DKK2: variants seen among roughly 807,000 people sequenced by gnomAD.
DKK2 encodes dickkopf Wnt signaling pathway inhibitor 2.
A neutral mutation model predicts 28.1 loss-of-function variants in DKK2; 11 were observed. That is an observed-to-expected ratio of 0.39 (90% CI 0.25 to 0.65). DKK2 has a LOEUF of 0.65. Ranked by LOEUF, DKK2 falls within the 30% of genes least tolerant of loss-of-function variation. The probability of loss-of-function intolerance (pLI) is 0.47; values close to 1 mark genes in which losing one functional copy is unlikely to be tolerated. For synonymous variants in DKK2, 135 were observed against 126.5 expected, an observed-to-expected ratio of 1.07 and a Z score of -0.45; for missense variants, 326 against 335.5, an observed-to-expected ratio of 0.97 and a Z score of 0.22.
intron 1 of DKK2, among the ~76,000 whole-genome samples, chr4:106,973,435 G>T (rs1339224552): frequency 6.6e-6 from 1 of 152,168 alleles, no homozygotes; most frequent in Non-Finnish European, 1.5e-5. Context: ...CATTCTAACT[G>T]GAGTGAGACA....
intron 1 of DKK2, among the ~76,000 whole-genome samples, chr4:106,998,075 C>A (rs1008798227): frequency 6.6e-6 from 1 of 152,084 alleles, no homozygotes; most frequent in African/African-American, 2.4e-5. Context: ...TATGAAACAC[C>A]CTTTTTGTGA....
At chr4:106,925,290 C>T (rs556700100) in intron 2 of DKK2, among the ~76,000 whole-genome samples, 1 of 152,326 alleles carries the variant, frequency 6.6e-6, no homozygotes, top group South Asian at 2.1e-4. Context: ...TGATCCATTT[C>T]ATCATTATTA....
chr4:106,969,694 T>C (rs1722836686), intron 1 of DKK2, among the ~76,000 whole-genome samples: 1 of 152,038 alleles, frequency 6.6e-6, no homozygotes, highest in Non-Finnish European at 1.5e-5. Flanking sequence ...TACTGCTTTC[T>C]AAACTGAAGA....
intron 1 of DKK2, among the ~76,000 whole-genome samples, chr4:107,027,098 G>T (rs947898522): frequency 6.6e-6 from 1 of 152,086 alleles, no homozygotes; most frequent in African/African-American, 2.4e-5. Context: ...TAGGTATAAG[G>T]ACTAGACAAT....
chr4:106,940,224 A>G (rs1021610610), intron 1 of DKK2, among the ~76,000 whole-genome samples: 1 of 152,246 alleles, frequency 6.6e-6, no homozygotes, highest in African/African-American at 2.4e-5. Context: ...ACAAAGGGCT[A>G]ATATCCAGAA....
chr4:106,958,701 G>A (rs1256882025), intron 1 of DKK2, among the ~76,000 whole-genome samples: 2 of 151,854 alleles, frequency 1.3e-5, no homozygotes, highest in Admixed American at 1.3e-4. Flanking sequence ...GCCGGATGTG[G>A]TGGCAGGCGC....
intron 1 of DKK2, among the ~76,000 whole-genome samples, chr4:107,027,908 C>A (rs892822382): frequency 2.0e-5 from 3 of 151,894 alleles, no homozygotes; most frequent in Admixed American, 6.6e-5. Flanking sequence ...CCTGCCACCA[C>A]GCCCGGCTAA....
chr4:106,956,901 T>C (rs1368273752), intron 1 of DKK2, among the ~76,000 whole-genome samples: 4 of 150,238 alleles, frequency 2.7e-5, no homozygotes, highest in African/African-American at 7.4e-5. Context: ...AATTGACAAA[T>C]GGGATCTAAT....
intron 1 of DKK2, among the ~76,000 whole-genome samples, chr4:106,942,823 T>C (rs1724720912): frequency 1.3e-5 from 2 of 152,122 alleles, no homozygotes; most frequent in South Asian, 4.1e-4. Flanking sequence ...CTATGTTTAG[T>C]ACGCTATATA....
At chr4:107,003,310 C>T (rs901407483) in intron 1 of DKK2, among the ~76,000 whole-genome samples, 2 of 152,236 alleles carry the variant, frequency 1.3e-5, no homozygotes, top group Non-Finnish European at 2.9e-5. Flanking sequence ...GATGACCGAT[C>T]TGCACATCAG....
chr4:106,978,594 C>T (rs1320049586), intron 1 of DKK2, among the ~76,000 whole-genome samples: 1 of 152,080 alleles, frequency 6.6e-6, no homozygotes, highest in Non-Finnish European at 1.5e-5. Context: ...CCTCCCCCCA[C>T]CAAGCTCAAG....
At chr4:107,027,091 G>C (rs1214719242) in intron 1 of DKK2, among the ~76,000 whole-genome samples, 7 of 152,090 alleles carry the variant, frequency 4.6e-5, no homozygotes, top group African/African-American at 1.7e-4. Context: ...AATAACTTAG[G>C]TATAAGGACT....
intron 1 of DKK2, among the ~76,000 whole-genome samples, chr4:106,959,830 C>T (rs1429153074): frequency 1.3e-5 from 2 of 151,932 alleles, no homozygotes; most frequent in South Asian, 2.1e-4. Context: ...CTCAATTAAG[C>T]TTATACACAA....
Position 106,923,915 on chromosome 4 carries a change from A to G in DKK2, c.*39T>C. ...CATGCTATAATGCATTAAATACACA[A>G]CTTCACAGTCTGCAATTGATGATGT... On this transcript the variant is annotated 3_prime_UTR_variant, in exon 4 of 4. Coordinates refer to ENST00000285311, the MANE Select transcript of DKK2 (RefSeq NM_014421.3). 1 of 1,607,294 alleles carries G rather than the reference A, an allele frequency of 6.2e-7. No individual in the cohort carries two copies. The highest frequency in any genetic ancestry group is 8.5e-7 in the Non-Finnish European group (1 of 1,174,600).
chr4:107,023,942 T>C (rs1489738069), intron 1 of DKK2, among the ~76,000 whole-genome samples: 1 of 152,182 alleles, frequency 6.6e-6, no homozygotes, highest in Non-Finnish European at 1.5e-5. Flanking sequence ...CAAATGGACC[T>C]ATTACATTGT....
intron 1 of DKK2, among the ~76,000 whole-genome samples, chr4:107,026,107 A>C (rs1487185274): frequency 6.6e-6 from 1 of 152,180 alleles, no homozygotes; most frequent in Non-Finnish European, 1.5e-5. Flanking sequence ...GCAATTCCCA[A>C]TGTGTCATCC....
chr4:106,989,297 G>A (rs1158363279), intron 1 of DKK2, among the ~76,000 whole-genome samples: 1 of 152,152 alleles, frequency 6.6e-6, no homozygotes, highest in Non-Finnish European at 1.5e-5. Context: ...GTGCCAGAAG[G>A]ATTCTGGACT....
intron 1 of DKK2, among the ~76,000 whole-genome samples, chr4:106,932,491 G>A (rs1724518678): frequency 1.3e-5 from 2 of 152,120 alleles, no homozygotes; most frequent in Non-Finnish European, 2.9e-5. Flanking sequence ...TTGATCATGG[G>A]ATGAATGGAG....
chr4:106,991,532 A>T, intron 1 of DKK2, among the ~76,000 whole-genome samples: 1 of 152,136 alleles, frequency 6.6e-6, no homozygotes, highest in Middle Eastern at 3.2e-3. Flanking sequence ...CAAATTCTTC[A>T]CCTGGGCTTC....
Sources: allele counts gnomAD v4.1 joint callset (sites outside exome capture counted in the v4.1 genomes callset), GRCh38; gene constraint gnomAD v4.1.1; transcripts MANE v1.5; gene names NCBI Gene and HGNC (gene_info 2026-07-23, HGNC 2026-07-21).